Variants in WWOX observed in about 807,000 individuals in gnomAD.
WWOX encodes WW domain-containing oxidoreductase.
In WWOX, 69 loss-of-function variants were observed where a neutral mutation model predicts 46.2. The observed-to-expected ratio is 1.49, with a 90% CI of 1.23 to 1.82. WWOX has a LOEUF of 1.82. WWOX is among the 40% of genes most tolerant of loss of function. The probability of loss-of-function intolerance (pLI) is 0.00; values close to 1 mark genes in which losing one functional copy is unlikely to be tolerated. For missense variants in WWOX, 919 were observed against 542.6 expected, an observed-to-expected ratio of 1.69 and a Z score of -6.89; for synonymous variants, 359 against 202.6, an observed-to-expected ratio of 1.77 and a Z score of -6.56.
intron 8 of WWOX, among the ~76,000 whole-genome samples, chr16:78,871,534 C>T (rs183357913): frequency 6.6e-6 from 1 of 152,304 alleles, no homozygotes; most frequent in African/African-American, 2.4e-5. Context: ...AAGCAGTTCA[C>T]GCTTGGATGA....
In WWOX at chr16:78,378,081, G is replaced by C. The variant is rs534254830; in HGVS notation, c.517-8779G>C. Among the ~76,000 whole-genome samples the C allele has an allele frequency of 4.6e-5, 7 of 152,180 alleles. No homozygotes were observed. In the East Asian group the frequency reaches 5.8e-4, roughly 13 times the overall value. ...TTGAAGGTTAGGAATGGCAAACTCA[G>C]CCTCTGTTCTTCAAGAATCCCCCTG... On this transcript the variant is annotated intron_variant, in intron 5 of 8. Coordinates refer to ENST00000566780, the MANE Select transcript of WWOX (RefSeq NM_016373.4).
chr16:78,604,337 T>G (rs1476725690), intron 8 of WWOX, among the ~76,000 whole-genome samples: 4 of 152,102 alleles, frequency 2.6e-5, no homozygotes, highest in Non-Finnish European at 4.4e-5. Context: ...CTAGCCCTCA[T>G]GAATGCTTTA....
chr16:79,045,991 G>A (rs535371689), intron 8 of WWOX, among the ~76,000 whole-genome samples: 3 of 151,538 alleles, frequency 2.0e-5, no homozygotes, highest in East Asian at 1.9e-4. Context: ...TAGTAGAGAC[G>A]GGCTTTCACC....
chr16:78,252,965 G>A lies in WWOX; in HGVS notation c.516+88676G>A, dbSNP rs1046584510. ...TTCATTATTGATTATTCAGCATAGG[G>A]GCTGATAGAAACGCAAACAGTGGCA... is the stretch of plus-strand genomic sequence containing the variant. On this transcript the variant is annotated intron_variant, in intron 5 of 8. Transcript: ENST00000566780. 2.6e-5 allele frequency among the ~76,000 whole-genome samples: 4 copies of A among 152,258 alleles called. No individual in the cohort carries two copies. The South Asian group carries it at 8.3e-4, about 32-fold the overall frequency.
chr16:79,084,021 C>T, intron 8 of WWOX, among the ~76,000 whole-genome samples: 1 of 152,162 alleles, frequency 6.6e-6, no homozygotes, highest in East Asian at 1.9e-4. Flanking sequence ...TAACCACTCG[C>T]ATCAGTTTTA....
chr16:78,680,964 T>A (rs917160801), intron 8 of WWOX, among the ~76,000 whole-genome samples: 1 of 151,748 alleles, frequency 6.6e-6, no homozygotes, highest in African/African-American at 2.4e-5. Context: ...CTAAAAAAAT[T>A]TAGGCCATAC....
At chr16:78,769,838 C>G in intron 8 of WWOX, among the ~76,000 whole-genome samples, 1 of 149,826 alleles carries the variant, frequency 6.7e-6, no homozygotes, top group South Asian at 2.1e-4. Flanking sequence ...GAGGTCCTGT[C>G]TCTACAAAAA....
chr16:78,652,895 C>CTGGA (rs2046998359), intron 8 of WWOX, among the ~76,000 whole-genome samples: 2 of 152,212 alleles, frequency 1.3e-5, no homozygotes, highest in Admixed American at 1.3e-4. Flanking sequence ...CATCACAGTT[C>CTGGA]TGGAGTTCAC....
intron 8 of WWOX, among the ~76,000 whole-genome samples, chr16:78,822,446 A>G (rs562625508): frequency 6.6e-6 from 1 of 152,046 alleles, no homozygotes; most frequent in South Asian, 2.1e-4. Flanking sequence ...GTCAGCTGAG[A>G]CTGCGCCAGT....
intron 8 of WWOX, among the ~76,000 whole-genome samples, chr16:78,809,598 C>A (rs924928519): frequency 6.6e-6 from 1 of 152,138 alleles, no homozygotes; most frequent in Non-Finnish European, 1.5e-5. Context: ...TTTCCCTCCT[C>A]CTATCAGTTT....
chr16:78,359,695 C>T (rs1597096208), intron 5 of WWOX, among the ~76,000 whole-genome samples: 3 of 152,194 alleles, frequency 2.0e-5, no homozygotes, highest in African/African-American at 7.2e-5. Flanking sequence ...TGGAAATCAA[C>T]TGCCACAAAA....
chr16:79,024,490 G>C (rs1000181336), intron 8 of WWOX, among the ~76,000 whole-genome samples: 1 of 152,070 alleles, frequency 6.6e-6, no homozygotes, highest in African/African-American at 2.4e-5. Flanking sequence ...CTGGAGTGCA[G>C]TGGTGCTATC....
intron 8 of WWOX, among the ~76,000 whole-genome samples, chr16:79,026,399 C>G (rs924491852): frequency 1.3e-5 from 2 of 151,648 alleles, no homozygotes; most frequent in African/African-American, 2.4e-5. Context: ...CCAGACTCCC[C>G]TGGCCACGGT....
In WWOX at chr16:78,386,805, C is replaced by T; in HGVS notation, c.517-55C>T. 4 of 1,481,228 alleles carry T rather than the reference C, an allele frequency of 2.7e-6. No individual in the cohort carries two copies. The South Asian group carries it at 3.4e-5, about 12-fold the overall frequency. The allele number at this position is 1,481,228 out of a possible 1,614,324, so 91.8% of individuals were successfully genotyped here. On this transcript the variant is annotated intron_variant, in intron 5 of 8. Transcript: ENST00000566780. ...ATAACACATTTACTGTAACTTGATA[C>T]CATGAACTACACTTGCTGTTATTTA...
intron 8 of WWOX, among the ~76,000 whole-genome samples, chr16:78,653,826 C>T (rs1050708169): frequency 6.6e-6 from 1 of 152,204 alleles, no homozygotes; most frequent in Non-Finnish European, 1.5e-5. Flanking sequence ...GCCAAAACCA[C>T]AGTAACTTTT....
At chr16:78,331,388 A>G (rs78168355) in intron 5 of WWOX, among the ~76,000 whole-genome samples, 131 of 152,366 alleles carry the variant, frequency 8.6e-4, no homozygotes, top group African/African-American at 2.9e-3. Flanking sequence ...GAAACAGGCA[A>G]CCAGGTAATA....
At chr16:78,231,559 C>G (rs1349898433) in intron 5 of WWOX, among the ~76,000 whole-genome samples, 3 of 152,150 alleles carry the variant, frequency 2.0e-5, no homozygotes, top group African/African-American at 7.2e-5. Context: ...CTGCAGAATC[C>G]AAATGCTTAA....
At chr16:78,232,330 A>G (rs2037296680) in intron 5 of WWOX, among the ~76,000 whole-genome samples, 1 of 152,160 alleles carries the variant, frequency 6.6e-6, no homozygotes, top group Non-Finnish European at 1.5e-5. Context: ...ACGTGATCTT[A>G]TTTATCCTGC....
At chr16:78,381,505 C>T (rs914073777) in intron 5 of WWOX, among the ~76,000 whole-genome samples, 1 of 152,190 alleles carries the variant, frequency 6.6e-6, no homozygotes, top group Non-Finnish European at 1.5e-5. Context: ...TAGAAGTTGC[C>T]TGATGCTTCA....
Sources: gnomAD v4.1 joint callset for allele counts (sites outside exome capture counted in the v4.1 genomes callset) on GRCh38, gnomAD v4.1.1 for gene constraint, MANE v1.5 for transcripts, NCBI Gene and HGNC (gene_info 2026-07-23, HGNC 2026-07-21) for gene names.